Variants in KLHL1 observed in about 807,000 individuals in gnomAD.
KLHL1 encodes kelch-like protein 1.
KLHL1 carries 47 observed loss-of-function variants against 77.7 expected under a neutral mutation model. That is an observed-to-expected ratio of 0.60 (90% confidence interval 0.48 to 0.77). KLHL1 has a LOEUF of 0.77. Ranked by LOEUF, KLHL1 falls within the 30% of genes least tolerant of loss-of-function variation. KLHL1 has a pLI of 0.00. For missense variants in KLHL1, 925 were observed against 910.8 expected, an observed-to-expected ratio of 1.02 and a Z score of -0.20; for synonymous variants, 360 against 325.2, an observed-to-expected ratio of 1.11 and a Z score of -1.15.
chr13:69,964,056 T>TGTTTG (rs71116970), intron 2 of KLHL1, among the ~76,000 whole-genome samples: 93,685 of 151,112 alleles, frequency 0.62, 29,080 homozygotes, highest in South Asian at 0.65. Context: ...TTTGTTTGTT[T>TGTTTG]TTTTAAAAAT....
chr13:69,818,219 C>CTTTTTT lies in KLHL1; in HGVS notation c.1414+20751_1414+20756dup, dbSNP rs1316398623. On this transcript the variant is annotated intron_variant, in intron 6 of 10. Coordinates refer to ENST00000377844, the MANE Select transcript of KLHL1 (RefSeq NM_020866.3). ...AGAATTTAACTTAACTCATAGGCAT[C>CTTTTTT]TTTTTTTTTTTTTTTTTTTTGAGAC... Among the ~76,000 whole-genome samples the CTTTTTT allele has an allele frequency of 8.4e-3, 951 of 112,852 alleles. 63 individuals carry two copies. Among genetic ancestry groups the CTTTTTT allele is most frequent in the Non-Finnish European group, 0.013 (733 of 56,832 alleles). The allele number at this position is 112,852 out of a possible 152,430, so 74.0% of individuals were successfully genotyped here.
At chr13:69,714,707 C>T (rs780098803) in intron 9 of KLHL1, among the ~76,000 whole-genome samples, 58 of 152,012 alleles carry the variant, frequency 3.8e-4, no homozygotes, top group Non-Finnish European at 6.9e-4. Context: ...GATCCTCCCA[C>T]CTCAGCCTCC....
chr13:69,989,331 T>C (rs1312326891), intron 1 of KLHL1, among the ~76,000 whole-genome samples: 1 of 151,956 alleles, frequency 6.6e-6, no homozygotes, highest in African/African-American at 2.4e-5. Flanking sequence ...CTTTTTGTAC[T>C]AGTATCATGT....
intron 1 of KLHL1, among the ~76,000 whole-genome samples, chr13:69,999,583 T>C (rs1439138773): frequency 6.6e-6 from 1 of 152,024 alleles, no homozygotes; most frequent in African/African-American, 2.4e-5. Context: ...TTAATCCCAA[T>C]AACTAAGCAA....
intron 7 of KLHL1, among the ~76,000 whole-genome samples, chr13:69,745,297 A>T (rs1874160865): frequency 1.6e-5 from 2 of 126,530 alleles, no homozygotes; most frequent in East Asian, 4.2e-4. Flanking sequence ...TTTTAATTGG[A>T]TGTCTCTTAT....
chr13:69,848,264 T>C (rs1199688220), intron 5 of KLHL1, among the ~76,000 whole-genome samples: 2 of 151,600 alleles, frequency 1.3e-5, no homozygotes, highest in African/African-American at 4.8e-5. Context: ...TATGAGACAG[T>C]TTGTTCACCA....
At chr13:70,021,166 CTT>C in intron 1 of KLHL1, among the ~76,000 whole-genome samples, 1 of 152,200 alleles carries the variant, frequency 6.6e-6, no homozygotes, top group Non-Finnish European at 1.5e-5. Flanking sequence ...CCCTAAAAAT[CTT>C]CTGCCCTCCT....
At chr13:69,788,340 A>G (rs9572283) in intron 7 of KLHL1, among the ~76,000 whole-genome samples, 56,363 of 152,018 alleles carry the variant, frequency 0.37, 10,712 homozygotes, top group African/African-American at 0.44. Context: ...CATAAAAAAT[A>G]AAGAGTTCAC....
intron 6 of KLHL1, among the ~76,000 whole-genome samples, chr13:69,820,263 C>T (rs1878280156): frequency 6.6e-6 from 1 of 152,150 alleles, no homozygotes; most frequent in Non-Finnish European, 1.5e-5. Context: ...TAACACCAGT[C>T]CCCCATAACA....
chr13:69,787,321 C>A (rs534059481), intron 7 of KLHL1, among the ~76,000 whole-genome samples: 4 of 152,072 alleles, frequency 2.6e-5, no homozygotes, highest in East Asian at 1.9e-4. Flanking sequence ...AATATAGATC[C>A]ATGGAACAGA....
At chr13:69,869,459 A>G (rs1880497176) in intron 5 of KLHL1, among the ~76,000 whole-genome samples, 1 of 152,204 alleles carries the variant, frequency 6.6e-6, no homozygotes, top group Non-Finnish European at 1.5e-5. Context: ...AATTTTGAAT[A>G]TTTATGACCA....
intron 1 of KLHL1, among the ~76,000 whole-genome samples, chr13:70,034,702 G>T (rs559569250): frequency 3.2e-4 from 48 of 152,106 alleles, no homozygotes; most frequent in Non-Finnish European, 5.7e-4. Flanking sequence ...TGAGGAAGAG[G>T]GAAAGTCGCA....
chr13:69,941,489 T>A (rs2138303411), intron 3 of KLHL1, among the ~76,000 whole-genome samples: 1 of 152,092 alleles, frequency 6.6e-6, no homozygotes, highest in East Asian at 1.9e-4. Flanking sequence ...TGCCTATAAA[T>A]GCCTATATCA....
intron 1 of KLHL1, among the ~76,000 whole-genome samples, chr13:70,032,762 G>T (rs557517314): frequency 1.3e-5 from 2 of 152,204 alleles, no homozygotes; most frequent in African/African-American, 4.8e-5. Flanking sequence ...ATTTATCTAT[G>T]TTGATCTGAA....
intron 1 of KLHL1, among the ~76,000 whole-genome samples, chr13:69,990,966 C>T (rs1191872271): frequency 6.6e-6 from 1 of 151,830 alleles, no homozygotes; most frequent in Non-Finnish European, 1.5e-5. Flanking sequence ...TCTTGGACCA[C>T]GGAGCATCAA....
chr13:69,773,362 T>C (rs1317613924), intron 7 of KLHL1, among the ~76,000 whole-genome samples: 4 of 152,072 alleles, frequency 2.6e-5, no homozygotes, highest in Non-Finnish European at 4.4e-5. Context: ...ATCAGTACTC[T>C]GTGAATTCAC....
chr13:69,808,733 T>C (rs190186491), intron 6 of KLHL1, among the ~76,000 whole-genome samples: 22 of 152,208 alleles, frequency 1.4e-4, no homozygotes, highest in African/African-American at 5.3e-4. Context: ...GAAATGTCTG[T>C]AATGACAGAT....
chr13:69,859,322 A>G (rs1219979712), intron 5 of KLHL1, among the ~76,000 whole-genome samples: 1 of 149,564 alleles, frequency 6.7e-6, no homozygotes, highest in East Asian at 2.0e-4. Flanking sequence ...ACATCACTTG[A>G]CTTCCTCGCT....
intron 1 of KLHL1, among the ~76,000 whole-genome samples, chr13:70,014,004 G>C (rs533873592): frequency 1.3e-5 from 2 of 152,072 alleles, no homozygotes; most frequent in Non-Finnish European, 1.5e-5. Flanking sequence ...TAAAAGCGTT[G>C]CTGGAAAACA....
Sources: gnomAD v4.1 joint callset for allele counts (sites outside exome capture counted in the v4.1 genomes callset) on GRCh38, gnomAD v4.1.1 for gene constraint, MANE v1.5 for transcripts, NCBI Gene and HGNC (gene_info 2026-07-23, HGNC 2026-07-21) for gene names.